Variants in SMIM20 observed in about 807,000 individuals in gnomAD.
The protein encoded by SMIM20 is mitochondrial translation regulation assembly intermediate of cytochrome c oxidase protein of 7 kDa.
SMIM20 carries 3 observed loss-of-function variants against 8.7 expected under a neutral mutation model. The ratio of observed to expected loss-of-function variants is 0.34; its 90% CI spans 0.16 to 0.89. The LOEUF (loss-of-function observed/expected upper bound fraction) is 0.89, where lower values mean the gene tolerates loss of function less well. SMIM20 is among the 40% of genes least tolerant of loss of function. The probability of loss-of-function intolerance (pLI) is 0.49; values close to 1 mark genes in which losing one functional copy is unlikely to be tolerated. For missense variants in SMIM20, 85 were observed against 84.8 expected, an observed-to-expected ratio of 1.00 and a Z score of -0.01; for synonymous variants, 44 against 33.6, an observed-to-expected ratio of 1.31 and a Z score of -1.07.
Position 25,914,267 on chromosome 4 carries a change from A to T in SMIM20, c.-47A>T. The T allele has an allele frequency of 4.6e-6, 7 of 1,525,718 alleles. No individual in the cohort carries two copies. Among genetic ancestry groups the T allele is most frequent in the Non-Finnish European group, 6.2e-6 (7 of 1,131,292 alleles). 94.5% of individuals were successfully genotyped at this position (1,525,718 alleles called of 1,614,324 possible). A position where few individuals can be genotyped will look rare whatever the true frequency, so the allele number is the denominator to read the frequency against. On this transcript the variant is annotated 5_prime_UTR_variant, in exon 1 of 3. Transcript: ENST00000506197. Reference sequence around the variant, plus strand: ...CCGGCCGTCGGTAACCTGGTTTCCGAGAGTGCCGGGCGGTCGGCGGGTCAG... The same window carrying T: ...CCGGCCGTCGGTAACCTGGTTTCCGTGAGTGCCGGGCGGTCGGCGGGTCAG...
At chr4:25,918,900 T>TA (rs1426350759) in intron 1 of SMIM20, among the ~76,000 whole-genome samples, 2 of 136,842 alleles carry the variant, frequency 1.5e-5, no homozygotes, top group East Asian at 4.2e-4. Flanking sequence ...TTTTTTTTTT[T>TA]TTTTTTTTTT....
intron 1 of SMIM20, among the ~76,000 whole-genome samples, chr4:25,916,631 C>G (rs923889882): frequency 6.6e-6 from 1 of 152,204 alleles, no homozygotes; most frequent in African/African-American, 2.4e-5. Context: ...TCTCGGCTCA[C>G]CGCAACCTCT....
intron 1 of SMIM20, among the ~76,000 whole-genome samples, chr4:25,919,505 AT>A (rs35072786): frequency 0.34 from 50,702 of 147,678 alleles, 10,542 homozygotes; most frequent in Non-Finnish European, 0.47. Flanking sequence ...CGCCCGGCTA[AT>A]TTTTTTTTTT....
intron 1 of SMIM20, 124 bp downstream of exon 1, chr4:25,914,546 C>T: frequency 2.1e-6 from 2 of 946,168 alleles, no homozygotes; most frequent in East Asian, 6.1e-5. Context: ...GGGTTCGAAT[C>T]CTGCCATGTG....
chr4:25,926,964 G>A (rs1232250225), intron 1 of SMIM20, among the ~76,000 whole-genome samples: 1 of 152,212 alleles, frequency 6.6e-6, no homozygotes, highest in Non-Finnish European at 1.5e-5. Flanking sequence ...CTATAGGATG[G>A]TGGGGCTCAG....
At chr4:25,927,578 C>T (rs1711538301) in intron 1 of SMIM20, among the ~76,000 whole-genome samples, 3 of 152,176 alleles carry the variant, frequency 2.0e-5, no homozygotes, top group African/African-American at 7.2e-5. Context: ...GAAAAGCTGT[C>T]ATTTGTTTGT....
intron 1 of SMIM20, 78 bp downstream of exon 1, chr4:25,914,500 C>G: frequency 7.6e-7 from 1 of 1,320,638 alleles, no homozygotes; most frequent in Non-Finnish European, 9.9e-7. Context: ...CACGTGGTGC[C>G]GTGGAAAGAA....
intron 1 of SMIM20, among the ~76,000 whole-genome samples, chr4:25,915,854 T>TGGGGGGGGGGGGGGGGGGG (rs1267183562): frequency 5.3e-5 from 1 of 18,972 alleles, no homozygotes; most frequent in Non-Finnish European, 1.0e-4. Flanking sequence ...CAACTTGGGA[T>TGGGGGGGGGGGGGGGGGGG]GGGGCGGGGG....
intron 1 of SMIM20, among the ~76,000 whole-genome samples, chr4:25,914,877 C>T (rs1337250114): frequency 1.3e-5 from 2 of 152,096 alleles, no homozygotes; most frequent in Non-Finnish European, 2.9e-5. Flanking sequence ...GGTTTTATAA[C>T]GTTCCCAAGG....
intron 1 of SMIM20, among the ~76,000 whole-genome samples, chr4:25,924,104 C>T (rs994175432): frequency 7.9e-5 from 12 of 152,188 alleles, no homozygotes; most frequent in Non-Finnish European, 1.5e-5. Flanking sequence ...CATATGGCTT[C>T]CCCTTGGCCC....
chr4:25,926,099 T>G (rs756014945), intron 1 of SMIM20, among the ~76,000 whole-genome samples: 2 of 152,234 alleles, frequency 1.3e-5, no homozygotes, highest in Non-Finnish European at 2.9e-5. Flanking sequence ...TTATCCTGAT[T>G]TGTTTACATA....
intron 1 of SMIM20, among the ~76,000 whole-genome samples, chr4:25,916,260 G>A (rs1455627060): frequency 9.2e-5 from 14 of 152,060 alleles, no homozygotes; most frequent in African/African-American, 3.4e-4. Context: ...ACCCAGGCTG[G>A]AGTGCAGTGG....
At chr4:25,918,662 C>T (rs1719141025) in intron 1 of SMIM20, among the ~76,000 whole-genome samples, 1 of 151,870 alleles carries the variant, frequency 6.6e-6, no homozygotes, top group East Asian at 1.9e-4. Context: ...AGGTGCCCAC[C>T]ACCACGCCTG....
At chr4:25,914,524 T>G (rs1577359043) in intron 1 of SMIM20, 102 bp downstream of exon 1, 1 of 1,188,004 alleles carries the variant, frequency 8.4e-7, no homozygotes, top group Non-Finnish European at 1.1e-6. Context: ...GGCTCGAGGG[T>G]TAGGGAGAGC....
intron 1 of SMIM20, among the ~76,000 whole-genome samples, chr4:25,915,850 G>A (rs999192936): frequency 1.9e-5 from 2 of 103,092 alleles, no homozygotes; most frequent in African/African-American, 4.7e-5. Context: ...GTCACAACTT[G>A]GGATGGGGCG....
chr4:25,919,326 T>A (rs1719155570), intron 1 of SMIM20, among the ~76,000 whole-genome samples: 1 of 152,162 alleles, frequency 6.6e-6, no homozygotes, highest in African/African-American at 2.4e-5. Context: ...TTTATTTTTC[T>A]CACCTCATTT....
rs907395770 is a variant in SMIM20, at chr4:25,918,673, G to T, written c.109+4251G>T. 5.5e-4 allele frequency among the ~76,000 whole-genome samples: 83 copies of T among 151,698 alleles called. 1 individual carries two copies. The highest frequency in any genetic ancestry group is 3.4e-3 in the Middle Eastern group (1 of 292). ...TTACAGGTGCCCACCACCACGCCTG[G>T]CTATTTTTTTGTATTTTTTACTAGA... On this transcript the variant is annotated intron_variant, in intron 1 of 2. Transcript: ENST00000506197.
At chr4:25,923,604 G>T (rs1359650440) in intron 1 of SMIM20, among the ~76,000 whole-genome samples, 1 of 152,188 alleles carries the variant, frequency 6.6e-6, no homozygotes, top group Non-Finnish European at 1.5e-5. Flanking sequence ...AGCCAGCCAA[G>T]TGAAAGGCCA....
chr4:25,929,006 C>T, intron 2 of SMIM20, 148 bp from the exon 3 acceptor site: 2 of 903,558 alleles, frequency 2.2e-6, no homozygotes, highest in South Asian at 4.4e-5. Flanking sequence ...CATTTAATGC[C>T]AAGGTTCCGG....
Sources: allele counts gnomAD v4.1 joint callset (sites outside exome capture counted in the v4.1 genomes callset), GRCh38; gene constraint gnomAD v4.1.1; transcripts MANE v1.5; gene names NCBI Gene and HGNC (gene_info 2026-07-23, HGNC 2026-07-21).